SOS1: variants seen among roughly 807,000 people sequenced by gnomAD.
SOS1 encodes the protein son of sevenless homolog 1.
In SOS1, 25 loss-of-function variants were observed where a neutral mutation model predicts 157.6. That is an observed-to-expected ratio of 0.16 (90% confidence interval 0.12 to 0.22). SOS1 has a LOEUF of 0.22. Ranked by LOEUF, SOS1 falls within the 10% of genes least tolerant of loss-of-function variation. The pLI is 1.00. For missense variants in SOS1, 1,237 were observed against 1,599.1 expected, an observed-to-expected ratio of 0.77 and a Z score of 3.86; for synonymous variants, 528 against 534.0, an observed-to-expected ratio of 0.99 and a Z score of 0.16.
chr2:39,106,590 C>CAAAAAAAAAAA (rs775720230), intron 1 of SOS1, among the ~76,000 whole-genome samples: 1 of 31,344 alleles, frequency 3.2e-5, no homozygotes, highest in African/African-American at 8.8e-5. Context: ...GACTCCGTCT[C>CAAAAAAAAAAA]AAAAAAAAAA....
chr2:39,073,275 G>A (rs1452189435), intron 1 of SOS1, among the ~76,000 whole-genome samples: 1 of 152,034 alleles, frequency 6.6e-6, no homozygotes, highest in Non-Finnish European at 1.5e-5. Flanking sequence ...TTTCAAATTG[G>A]GACTAAACTA....
upstream of SOS1, among the ~76,000 whole-genome samples, chr2:39,123,279 G>A (rs1331175489): frequency 6.6e-6 from 1 of 151,388 alleles, no homozygotes; most frequent in Non-Finnish European, 1.5e-5. Flanking sequence ...AATCAAATCA[G>A]TCCTCTATTT....
intron 2 of SOS1, among the ~76,000 whole-genome samples, chr2:39,060,855 TAAAAA>T (rs1307232341): frequency 1.4e-5 from 2 of 140,216 alleles, no homozygotes; most frequent in African/African-American, 5.4e-5. Context: ...AAAGTAAAAA[TAAAAA>T]AATAAAAGCA....
chr2:39,120,388 C>G lies in SOS1; in HGVS notation c.35G>C (p.Ser12Thr). The change falls in exon 1 of 23, where the codon AGC becomes ACC. Residue 12 changes from serine (S) to threonine (T), a missense_variant. Around this residue, in one of 15 missense-constraint regions of SOS1, gnomAD observed 99 missense variants for 81.6 expected, o/e 1.21. Coordinates refer to ENST00000402219, the MANE Select transcript of SOS1 (RefSeq NM_005633.4). ...CCGCCACTTGGGCGCGTTCTCTTCG[C>G]TGAAAAACTCGTAGGGCAGCTGCTG... ...QAQQLPYEFF[S>T]EENAPKWRGL... The G allele has an allele frequency of 6.2e-7, 1 of 1,601,936 alleles. No individual in the cohort carries two copies. The highest frequency in any genetic ancestry group is 2.3e-5 in the East Asian group (1 of 43,904).
chr2:39,101,567 T>C (rs191390687), intron 1 of SOS1, among the ~76,000 whole-genome samples: 3 of 152,278 alleles, frequency 2.0e-5, no homozygotes, highest in African/African-American at 4.8e-5. Flanking sequence ...ATTTAGAAAC[T>C]ATAAAAATTT....
At chr2:39,044,485 T>C (rs551646768) in intron 6 of SOS1, among the ~76,000 whole-genome samples, 1 of 152,340 alleles carries the variant, frequency 6.6e-6, no homozygotes, top group South Asian at 2.1e-4. Context: ...TAATTATTCC[T>C]ATTTTTTCAA....
At chr2:39,085,540 G>T (rs1422233900) in intron 1 of SOS1, among the ~76,000 whole-genome samples, 1 of 152,138 alleles carries the variant, frequency 6.6e-6, no homozygotes, top group East Asian at 1.9e-4. Flanking sequence ...CCTCTAAGCA[G>T]GAGATTCTAG....
intron 4 of SOS1, among the ~76,000 whole-genome samples, chr2:39,055,853 C>T (rs959856031): frequency 6.6e-6 from 1 of 152,086 alleles, no homozygotes; most frequent in African/African-American, 2.4e-5. Context: ...AAATTCTGGA[C>T]CAATTTCTTT....
At chr2:39,119,826 CAGG>C (rs1673798067) in intron 1 of SOS1, among the ~76,000 whole-genome samples, 2 of 152,092 alleles carry the variant, frequency 1.3e-5, no homozygotes, top group Non-Finnish European at 1.5e-5. Context: ...CGGGGGAAAC[CAGG>C]AGAATGAGGA....
At chr2:39,087,166 C>T (rs1672410809) in intron 1 of SOS1, among the ~76,000 whole-genome samples, 2 of 152,134 alleles carry the variant, frequency 1.3e-5, no homozygotes, top group Non-Finnish European at 2.9e-5. Flanking sequence ...ATAGAGGCCG[C>T]TTCAATGCAA....
intron 1 of SOS1, among the ~76,000 whole-genome samples, chr2:39,081,622 C>G (rs1213745711): frequency 6.6e-6 from 1 of 151,908 alleles, no homozygotes; most frequent in Admixed American, 6.6e-5. Flanking sequence ...GTTAAGAGTT[C>G]GAGACCAGCC....
chr2:39,073,879 C>T (rs535066503), intron 1 of SOS1, among the ~76,000 whole-genome samples: 3 of 152,092 alleles, frequency 2.0e-5, no homozygotes, highest in Admixed American at 1.3e-4. Context: ...GAGCTCAGAT[C>T]TGTTACTTTT....
At chr2:39,020,785 T>A (rs1669771808) in intron 10 of SOS1, among the ~76,000 whole-genome samples, 1 of 151,772 alleles carries the variant, frequency 6.6e-6, no homozygotes, top group East Asian at 1.9e-4. Flanking sequence ...AATGTGTGTG[T>A]ACTGTAAACC....
At chr2:39,054,853 A>T in intron 4 of SOS1, 30 bp from the exon 5 acceptor site, 1 of 1,093,172 alleles carries the variant, frequency 9.1e-7, no homozygotes, top group Non-Finnish European at 1.4e-6. Context: ...AAAAAGTATA[A>T]TAAAATATGA....
At position 39,081,315 on chromosome 2, in the gene SOS1, T is replaced by C. The variant is rs372004338; in HGVS notation, c.88-13562A>G. Among the ~76,000 whole-genome samples the C allele has an allele frequency of 2.4e-4, 36 of 151,908 alleles. No homozygotes were observed. In the East Asian group the frequency reaches 5.2e-3, roughly 22 times the overall value. On this transcript the variant is annotated intron_variant, in intron 1 of 22. Transcript: ENST00000402219. ...CTGGCGGATCACTGGAGGTCAGGAGTTCGAGACCAGCCTGGCCAACATGGT... is the reference window on the plus strand; with the variant it reads ...CTGGCGGATCACTGGAGGTCAGGAGCTCGAGACCAGCCTGGCCAACATGGT...
chr2:39,073,057 C>G (rs1244848253), intron 1 of SOS1, among the ~76,000 whole-genome samples: 2 of 152,174 alleles, frequency 1.3e-5, no homozygotes, highest in African/African-American at 4.8e-5. Flanking sequence ...GCAGAATAAA[C>G]ACACTTCTAT....
At chr2:39,056,525 A>G (rs939669770) in intron 4 of SOS1, among the ~76,000 whole-genome samples, 177 bp downstream of exon 4, 1 of 152,232 alleles carries the variant, frequency 6.6e-6, no homozygotes, top group African/African-American at 2.4e-5. Context: ...AACACATTTT[A>G]ATATTATATA....
chr2:39,042,985 T>C (rs1670625818), intron 6 of SOS1, among the ~76,000 whole-genome samples: 2 of 152,182 alleles, frequency 1.3e-5, no homozygotes, highest in Admixed American at 6.5e-5. Flanking sequence ...TAGGACAACT[T>C]TGTCTTGTCT....
chr2:39,121,434 T>C (rs534312060), upstream of SOS1, among the ~76,000 whole-genome samples: 1 of 152,332 alleles, frequency 6.6e-6, no homozygotes, highest in East Asian at 1.9e-4. Context: ...AGACAGGTGC[T>C]CTGTCACGAA....
Sources: gnomAD v4.1 joint callset for allele counts (sites outside exome capture counted in the v4.1 genomes callset) on GRCh38, gnomAD v4.1.1 for gene constraint, gnomAD v4.1.1 regional missense constraint, MANE v1.5 for transcripts, NCBI Gene and HGNC (gene_info 2026-07-23, HGNC 2026-07-21) for gene names.